Variants in SLC8A1 observed in about 807,000 individuals in gnomAD.
The protein encoded by SLC8A1 is sodium/calcium exchanger 1.
In SLC8A1, 18 loss-of-function variants were observed where a neutral mutation model predicts 68.3. The observed-to-expected ratio is 0.26, with a 90% CI of 0.18 to 0.39. The LOEUF is 0.39. SLC8A1 is among the 10% of genes least tolerant of loss of function. The pLI is 1.00. For synonymous variants in SLC8A1, 475 were observed against 415.5 expected (o/e 1.14, Z -1.74); for missense variants, 985 against 1,156.7 (o/e 0.85, Z 2.15).
chr2:40,232,853 G>GT (rs2059866327), intron 2 of SLC8A1, among the ~76,000 whole-genome samples: 1 of 143,616 alleles, frequency 7.0e-6, no homozygotes, highest in East Asian at 2.0e-4. Flanking sequence ...GCGGTGTTTG[G>GT]TTTTTTGTTC....
At chr2:40,285,325 G>A (rs1240799778) in intron 2 of SLC8A1, among the ~76,000 whole-genome samples, 2 of 152,066 alleles carry the variant, frequency 1.3e-5, no homozygotes, top group Non-Finnish European at 1.5e-5. Flanking sequence ...AGGGTTCTTT[G>A]TAAGGACAGA....
At chr2:40,130,512 C>G (rs998658580) in intron 7 of SLC8A1, among the ~76,000 whole-genome samples, 2 of 152,248 alleles carry the variant, frequency 1.3e-5, no homozygotes, top group African/African-American at 4.8e-5. Context: ...TGCTGCCCGT[C>G]TGGCAGTGTC....
At chr2:40,142,941 T>A (rs887654301) in intron 6 of SLC8A1, among the ~76,000 whole-genome samples, 1 of 143,244 alleles carries the variant, frequency 7.0e-6, no homozygotes, top group Non-Finnish European at 1.5e-5. Flanking sequence ...AAAATGTGTG[T>A]GTGAGTGTGT....
chr2:40,475,226 C>T lies in SLC8A1; in HGVS notation c.-25+37123G>A, dbSNP rs907150507. Among the ~76,000 whole-genome samples the T allele has an allele frequency of 4.6e-5, 7 of 152,056 alleles. No individual in the cohort carries two copies. The South Asian group carries it at 6.2e-4, about 13-fold the overall frequency. ...TCTGCTCACTGCAAGCTCCGTCTCC[C>T]GGGTTCACGCCATTCTCCTGCCTCA... On this transcript the variant is annotated intron_variant, in intron 1 of 7. Transcript: ENST00000402441.
intron 2 of SLC8A1, among the ~76,000 whole-genome samples, chr2:40,260,800 G>A (rs1385495998): frequency 6.6e-6 from 1 of 151,650 alleles, no homozygotes; most frequent in Non-Finnish European, 1.5e-5. Context: ...AAACAAGGTG[G>A]CTTATTTTAC....
intron 2 of SLC8A1, among the ~76,000 whole-genome samples, chr2:40,328,489 T>A (rs576467113): frequency 6.6e-6 from 1 of 152,160 alleles, no homozygotes; most frequent in South Asian, 2.1e-4. Context: ...TATATTTCTG[T>A]AGGTAATGTC....
chr2:40,487,395 A>C (rs1175102906), intron 1 of SLC8A1, among the ~76,000 whole-genome samples: 2 of 152,144 alleles, frequency 1.3e-5, no homozygotes, highest in African/African-American at 4.8e-5. Flanking sequence ...TGAGAGGAAT[A>C]TTTCACATCT....
At chr2:40,284,888 C>T (rs1218921811) in intron 2 of SLC8A1, among the ~76,000 whole-genome samples, 1 of 151,946 alleles carries the variant, frequency 6.6e-6, no homozygotes, top group Middle Eastern at 3.2e-3. Context: ...TTCTGCACTC[C>T]CAGGGATGAG....
intron 7 of SLC8A1, among the ~76,000 whole-genome samples, chr2:40,134,560 C>CT (rs1453164616): frequency 6.6e-6 from 1 of 152,294 alleles, no homozygotes; most frequent in East Asian, 1.9e-4. Flanking sequence ...GTCCTCAGTG[C>CT]TTTTAACTTT....
chr2:40,266,270 G>A (rs183564928), intron 2 of SLC8A1, among the ~76,000 whole-genome samples: 1 of 152,184 alleles, frequency 6.6e-6, no homozygotes, highest in East Asian at 1.9e-4. Flanking sequence ...TCTCCATCTT[G>A]CCAGCCTGAG....
At chr2:40,138,973 G>A (rs577636730) in intron 7 of SLC8A1, among the ~76,000 whole-genome samples, 2 of 152,244 alleles carry the variant, frequency 1.3e-5, no homozygotes, top group East Asian at 1.9e-4. Flanking sequence ...CAGTAAGTAC[G>A]TTTTCCTAGT....
chr2:40,275,036 TA>T (rs1423763582), intron 2 of SLC8A1, among the ~76,000 whole-genome samples: 2 of 152,244 alleles, frequency 1.3e-5, no homozygotes, highest in Non-Finnish European at 2.9e-5. Context: ...CATTTTTAGC[TA>T]AAATGCAAAG....
chr2:40,448,219 TTGTAA>T (rs1371471778), intron 1 of SLC8A1, among the ~76,000 whole-genome samples: 3 of 152,098 alleles, frequency 2.0e-5, no homozygotes, highest in Non-Finnish European at 4.4e-5. Context: ...AAAACGTATT[TTGTAA>T]TGTATATGTG....
intron 1 of SLC8A1, among the ~76,000 whole-genome samples, chr2:40,439,867 C>T (rs1990609): frequency 0.5 from 76,721 of 151,984 alleles, 21,219 homozygotes; most frequent in African/African-American, 0.7. Flanking sequence ...ATAAGGGTGA[C>T]TCTCCATCAG....
At chr2:40,423,569 G>A (rs1696078234) in intron 2 of SLC8A1, among the ~76,000 whole-genome samples, 1 of 151,990 alleles carries the variant, frequency 6.6e-6, no homozygotes, top group African/African-American at 2.4e-5. Flanking sequence ...ACTAAGAAAA[G>A]AGCCCGTAAT....
chr2:40,342,701 T>C (rs1166364606), intron 2 of SLC8A1, among the ~76,000 whole-genome samples: 5 of 152,150 alleles, frequency 3.3e-5, no homozygotes, highest in Non-Finnish European at 5.9e-5. Flanking sequence ...ACTATTGCAA[T>C]TGTATTCAAC....
exon 2 of SLC8A1, chr2:40,429,455 T>C: frequency 6.2e-7 from 1 of 1,613,930 alleles, no homozygotes; most frequent in Non-Finnish European, 8.5e-7. Context: ...TCATGTTCAA[T>C]AATCATCCCC....
intron 2 of SLC8A1, among the ~76,000 whole-genome samples, chr2:40,291,133 T>C (rs2069228488): frequency 6.6e-6 from 1 of 152,196 alleles, no homozygotes. Context: ...CTTCTTTCAG[T>C]CTTCTTATCA....
rs527402736 is a variant in SLC8A1, at chr2:40,180,314, G to A, written c.1809-2459C>T. Among the ~76,000 whole-genome samples the A allele has an allele frequency of 3.3e-5, 5 of 152,252 alleles. No homozygotes were observed. In the South Asian group the frequency reaches 6.2e-4, roughly 19 times the overall value. On this transcript the variant is annotated intron_variant, in intron 2 of 7. Transcript: ENST00000406785. The stretch of plus-strand genomic sequence containing the variant: ...TATCCAAAAATTATAAAATATTAGA[G>A]AAGGCACAGGAGGATGGATGTAAGG...
Sources: allele counts gnomAD v4.1 joint callset (sites outside exome capture counted in the v4.1 genomes callset), GRCh38; gene constraint gnomAD v4.1.1; transcripts MANE v1.5; gene names NCBI Gene and HGNC (gene_info 2026-07-23, HGNC 2026-07-21).